SACS: variants seen among roughly 807,000 people sequenced by gnomAD.
SACS encodes sacsin molecular chaperone.
In SACS, 197 loss-of-function variants were observed where a neutral mutation model predicts 348.0. That is an observed-to-expected ratio of 0.57 (90% CI 0.50 to 0.64). The LOEUF is 0.64. Among genes scored for constraint, SACS ranks in the 30% least tolerant of loss-of-function variants. The pLI, the probability that SACS is intolerant of heterozygous loss-of-function variation, is 0.00. For missense variants in SACS, 4,999 were observed against 5,360.8 expected, an observed-to-expected ratio of 0.93 and a Z score of 2.11; for synonymous variants, 1,985 against 1,910.6, an observed-to-expected ratio of 1.04 and a Z score of -1.02.
intron 2 of SACS, among the ~76,000 whole-genome samples, chr13:23,381,652 A>G (rs1566094950): frequency 6.6e-6 from 1 of 152,228 alleles, no homozygotes; most frequent in African/African-American, 2.4e-5. Flanking sequence ...GATTAAACTA[A>G]CATCCTCTGG....
intron 9 of SACS, chr13:23,346,801 G>C: frequency 2.0e-6 from 2 of 982,712 alleles, no homozygotes; most frequent in Non-Finnish European, 2.4e-6. Context: ...ACAACATTCA[G>C]TTATCCTACC....
Position 23,339,114 on chromosome 13 carries a change from T to C in SACS, c.4762A>G (p.Ile1588Val), listed in dbSNP as rs1279538119. 1.2e-6 allele frequency: 2 copies of C among 1,611,006 alleles called. No individual in the cohort carries two copies. Among genetic ancestry groups the C allele is most frequent in the Admixed American group, 1.7e-5 (1 of 59,736 alleles). The stretch of plus-strand genomic sequence containing the variant: ...GATTTGTCTTTAATGTGTTTACTGA[T>C]ATGATTTATGTTTGGATCGAACATT... ...MIMFDPNINH[I>V]SKHIKDKSNP... Residue 1588 changes from isoleucine to valine, a missense_variant, in exon 10 of 10, where the codon ATC (isoleucine) becomes GTC (valine). By Grantham distance (29) the Ile-to-Val change is conservative (BLOSUM62 3). Transcript: ENST00000382292.
intron 2 of SACS, among the ~76,000 whole-genome samples, chr13:23,403,763 T>A (rs1873083757): frequency 6.6e-6 from 1 of 152,194 alleles, no homozygotes; most frequent in Non-Finnish European, 1.5e-5. Flanking sequence ...GCTCTGATCT[T>A]AGTTATTTCT....
Position 23,333,723 on chromosome 13 carries a change from C to CA in SACS, c.10152dup (p.Glu3385Ter), listed in dbSNP as rs1163789321. On this transcript the variant is annotated frameshift_variant, in exon 10 of 10. Transcript: ENST00000382292. LOFTEE classifies it high-confidence loss of function. ...CAGTTGAAATACATCAAAAGTGCCT[C>CA]AAAATCATTTTCTACTAATTTTTCT... 2 of 1,613,712 alleles carry CA rather than the reference C, an allele frequency of 1.2e-6. No individual in the cohort carries two copies. Among genetic ancestry groups the CA allele is most frequent in the Non-Finnish European group, 1.7e-6 (2 of 1,179,752 alleles).
chr13:23,330,980 T>C lies in SACS; in HGVS notation c.12896A>G (p.Lys4299Arg). Residue 4299 changes from lysine (K) to arginine (R), a missense_variant, in exon 10 of 10, where the codon AAG becomes AGG. By Grantham distance (26) the Lys-to-Arg change is conservative. Transcript: ENST00000382292. ...SSKHQSPKKL[K>R]VNSLPEILKE... ...TAAGATTTCTGGTAAAGAATTAACC[T>C]TAAGCTTTTTGGGGGACTGATGTTT... 6.2e-7 allele frequency: 1 copy of C among 1,614,162 alleles called. No homozygotes were observed. The highest frequency in any genetic ancestry group is 8.5e-7 in the Non-Finnish European group (1 of 1,180,012).
At chr13:23,360,637 T>C (rs1870671982) in intron 6 of SACS, among the ~76,000 whole-genome samples, 1 of 152,124 alleles carries the variant, frequency 6.6e-6, no homozygotes, top group Non-Finnish European at 1.5e-5. Flanking sequence ...CCTTACTGCC[T>C]GCTTATAGGA....
chr13:23,375,662 C>A, intron 2 of SACS: 1 of 739,568 alleles, frequency 1.4e-6, no homozygotes, highest in Non-Finnish European at 1.7e-6. Context: ...CCCGCCAGGC[C>A]CCGCCCCCAG....
In SACS at chr13:23,367,925, A is replaced by G. The variant is rs146145800; in HGVS notation, c.345+477T>C. Among the ~76,000 whole-genome samples, 1,100 of 152,358 alleles carry G rather than the reference A, an allele frequency of 7.2e-3. 6 individuals carry two copies. The highest frequency in any genetic ancestry group is 0.012 in the Non-Finnish European group (794 of 68,044). ...TTAAAGAGTATAATCAAACTAAAAA[A>G]ACATATTACAAAAAGAAATAAGTAA... On this transcript the variant is annotated intron_variant, in intron 5 of 9. Coordinates refer to ENST00000382292, the MANE Select transcript of SACS (RefSeq NM_014363.6).
In SACS at chr13:23,330,614, G is replaced by GGAAT. The variant is rs1883404598; in HGVS notation, c.13261_13262insATTC (p.Pro4421HisfsTer45). The GGAAT allele has an allele frequency of 6.2e-7, 1 of 1,613,694 alleles. No homozygotes were observed. The highest frequency in any genetic ancestry group is 8.5e-7 in the Non-Finnish European group (1 of 1,179,984). ...AGAGTAAGTCTGTCCGGCTGAAGGGGGGCATTTTTCTTTGTTCTGTTGCTG... is the reference window on the plus strand; with the variant it reads ...AGAGTAAGTCTGTCCGGCTGAAGGGGGAATGGCATTTTTCTTTGTTCTGTTGCTG... On this transcript the variant is annotated frameshift_variant, in exon 10 of 10. Coordinates refer to ENST00000382292, the MANE Select transcript of SACS (RefSeq NM_014363.6). LOFTEE classifies it high-confidence loss of function.
At chr13:23,423,635 T>C (rs1277242183) in intron 1 of SACS, among the ~76,000 whole-genome samples, 7 of 152,218 alleles carry the variant, frequency 4.6e-5, no homozygotes, top group Non-Finnish European at 2.9e-5. Flanking sequence ...ACATTTGTGA[T>C]GTGCTTTATT....
In SACS at chr13:23,341,499, C is replaced by A; in HGVS notation, c.2377G>T (p.Asp793Tyr). 6.2e-7 allele frequency: 1 copy of A among 1,614,006 alleles called. No individual in the cohort carries two copies. Residue 793 changes from aspartate to tyrosine, a missense_variant, in exon 10 of 10, where the codon GAT (aspartate) becomes TAT (tyrosine). Physicochemically the swap from Asp to Tyr is radical, Grantham distance 160. Transcript: ENST00000382292. ...GGCATCTCATCAAATAAAGTCAAAT[C>A]CTCTGAAAAATGTATATAAAGATTT... The part of the protein sequence containing the change: ...WKNLYIHFSE[D>Y]LTLFDEMPLI...
chr13:23,417,702 T>C (rs1355304844), intron 1 of SACS, among the ~76,000 whole-genome samples: 3 of 152,198 alleles, frequency 2.0e-5, no homozygotes, highest in Admixed American at 1.3e-4. Context: ...AATATCTTTA[T>C]GGCTTCAGGG....
chr13:23,364,436 A>AAGTG (rs1461374228), intron 6 of SACS, among the ~76,000 whole-genome samples: 3 of 140,310 alleles, frequency 2.1e-5, no homozygotes, highest in Non-Finnish European at 4.8e-5. Flanking sequence ...GTCTGCCACC[A>AAGTG]CGCCCAGCTA....
At position 23,332,615 on chromosome 13, in the gene SACS, T is replaced by C. The variant is rs770322933; in HGVS notation, c.11261A>G (p.Asn3754Ser). The C allele has an allele frequency of 4.3e-6, 7 of 1,613,644 alleles. No homozygotes were observed. In the Admixed American group the frequency reaches 1.0e-4, roughly 23 times the overall value. Residue 3754 changes from asparagine to serine, a missense_variant, in exon 10 of 10, where the codon AAC (asparagine) becomes AGC (serine). Around this residue, in one of 6 missense-constraint regions of SACS, gnomAD observed 831 missense variants for 941.8 expected, o/e 0.88. Coordinates refer to ENST00000382292, the MANE Select transcript of SACS (RefSeq NM_014363.6). ...PLDKVINNCR[N>S]ICNITTLDEE... is the part of the protein sequence containing the mutation. Reference sequence around the variant, plus strand: ...ATCCAACGTCGTTATGTTGCATATGTTTCTGCAGTTATTGATTACCTTATC... The same window carrying C: ...ATCCAACGTCGTTATGTTGCATATGCTTCTGCAGTTATTGATTACCTTATC...
At chr13:23,371,283 A>G (rs1289392035) in intron 3 of SACS, 118 bp from the exon 4 acceptor site, 1 of 476,584 alleles carries the variant, frequency 2.1e-6, no homozygotes, top group African/African-American at 2.0e-5. Context: ...CTTATCATGA[A>G]GGAAGTTGTC....
At chr13:23,397,655 C>T (rs971151465) in intron 2 of SACS, among the ~76,000 whole-genome samples, 1 of 152,212 alleles carries the variant, frequency 6.6e-6, no homozygotes, top group African/African-American at 2.4e-5. Flanking sequence ...AGTCCTCTCA[C>T]ATTTAAGAGC....
intron 2 of SACS, among the ~76,000 whole-genome samples, chr13:23,380,929 A>C (rs1872028022): frequency 6.6e-6 from 1 of 152,310 alleles, no homozygotes; most frequent in African/African-American, 2.4e-5. Flanking sequence ...TTTGGGGTTC[A>C]TTATTTAAAA....
chr13:23,388,683 T>TA (rs34878277), intron 2 of SACS, among the ~76,000 whole-genome samples: 22,677 of 125,510 alleles, frequency 0.18, 2,162 homozygotes, highest in Admixed American at 0.26. Context: ...AAGCCATGGG[T>TA]ACACAAAAGC....
intron 2 of SACS, among the ~76,000 whole-genome samples, chr13:23,396,285 C>A (rs934339560): frequency 1.3e-5 from 2 of 148,980 alleles, no homozygotes; most frequent in African/African-American, 5.0e-5. Context: ...GAGTGTGCCA[C>A]TGCATTCCAG....
Sources: allele counts gnomAD v4.1 joint callset (sites outside exome capture counted in the v4.1 genomes callset), GRCh38; gene constraint gnomAD v4.1.1; regional missense constraint gnomAD v4.1.1; transcripts MANE v1.5; gene names NCBI Gene and HGNC (gene_info 2026-07-23, HGNC 2026-07-21).